HDAC9: variants seen among roughly 807,000 people sequenced by gnomAD.
The protein encoded by HDAC9 is histone deacetylase 9.
A neutral mutation model predicts 139.4 loss-of-function variants in HDAC9; 41 were observed. The observed-to-expected ratio is 0.29, with a 90% CI of 0.23 to 0.38. The LOEUF (loss-of-function observed/expected upper bound fraction) is 0.38, where lower values mean the gene tolerates loss of function less well. Ranked by LOEUF, HDAC9 falls within the 10% of genes least tolerant of loss-of-function variation. The probability of loss-of-function intolerance (pLI) is 1.00; values close to 1 mark genes in which losing one functional copy is unlikely to be tolerated. For synonymous variants in HDAC9, 517 were observed against 476.2 expected (o/e 1.09, Z -1.12); for missense variants, 1,147 against 1,297.0 (o/e 0.88, Z 1.78).
chr7:18,102,429 C>T (rs1360177831), intron 1 of HDAC9, among the ~76,000 whole-genome samples: 1 of 152,150 alleles, frequency 6.6e-6, no homozygotes, highest in Admixed American at 6.5e-5. Context: ...TTCTTCAGCA[C>T]TGTCATAAAT....
chr7:18,989,675 T>A (rs1585500546), intron 25 of HDAC9, among the ~76,000 whole-genome samples: 1 of 150,226 alleles, frequency 6.7e-6, no homozygotes, highest in African/African-American at 2.5e-5. Context: ...ATTCTCCCTG[T>A]CACTTTCAGG....
intron 2 of HDAC9, among the ~76,000 whole-genome samples, chr7:18,168,892 TTTTTTTG>T (rs1005163218): frequency 3.5e-5 from 4 of 114,648 alleles, no homozygotes; most frequent in African/African-American, 7.4e-5. Context: ...TTTTTTTTTT[TTTTTTTG>T]TGTGTGTGTG....
Position 18,762,277 on chromosome 7 carries a change from G to C in HDAC9, c.2164G>C (p.Gly722Arg). The change falls in exon 15 of 26, where the codon GGT becomes CGT. Residue 722 changes from glycine to arginine, a missense_variant and splice_region_variant. Gly to Arg is a moderately radical substitution (Grantham distance 125). This residue lies in a region of HDAC9 where 407 missense variants were observed against 521.5 expected (regional missense o/e 0.78). Transcript: ENST00000686413. Reference sequence around the variant, plus strand: ...GAAGCTGGACCCCAGGATACTCCTAGGTCTGTACGGGCCTCCACTGTACTG... The same window carrying C: ...GAAGCTGGACCCCAGGATACTCCTACGTCTGTACGGGCCTCCACTGTACTG... ...GQKLDPRILL[G>R]DDSQKFFSSL... 1 of 1,613,296 alleles carries C rather than the reference G, an allele frequency of 6.2e-7. No individual in the cohort carries two copies. The highest frequency in any genetic ancestry group is 8.5e-7 in the Non-Finnish European group (1 of 1,179,540).
chr7:18,454,208 G>T lies in HDAC9; in HGVS notation c.-41-42054G>T, dbSNP rs572027628. ...AATACTGGAGATTTACAAAATCAGA[G>T]ATTTTTTTACTTTTGGGCTCAAAAA... is the stretch of plus-strand genomic sequence containing the variant. On this transcript the variant is annotated intron_variant, in intron 1 of 3. Coordinates refer to the HDAC9 transcript ENST00000413509. Among the ~76,000 whole-genome samples the T allele has an allele frequency of 6.1e-4, 93 of 152,136 alleles. 1 individual carries two copies. The South Asian group carries it at 9.3e-3, about 15-fold the overall frequency.
intron 2 of HDAC9, among the ~76,000 whole-genome samples, chr7:18,237,272 A>G (rs768023258): frequency 1.2e-4 from 18 of 152,160 alleles, no homozygotes; most frequent in Non-Finnish European, 2.5e-4. Flanking sequence ...TGTGTTGAGT[A>G]TTTCTTGCTG....
intron 1 of HDAC9, among the ~76,000 whole-genome samples, chr7:18,388,161 A>G (rs1020809138): frequency 1.3e-5 from 2 of 152,190 alleles, no homozygotes; most frequent in Admixed American, 1.3e-4. Flanking sequence ...GTTATGACTA[A>G]AAAACACCCT....
intron 1 of HDAC9, among the ~76,000 whole-genome samples, chr7:18,374,874 C>G (rs1034979417): frequency 3.3e-5 from 5 of 152,062 alleles, no homozygotes; most frequent in African/African-American, 1.2e-4. Context: ...GTTCCTATTG[C>G]CTGGTGCTAT....
At chr7:18,403,977 G>A (rs768151184) in intron 1 of HDAC9, among the ~76,000 whole-genome samples, 4 of 152,158 alleles carry the variant, frequency 2.6e-5, no homozygotes, top group Admixed American at 6.5e-5. Context: ...ATGAAGAGGG[G>A]CGAGACCTTG....
chr7:18,108,841 C>A (rs368775838), intron 1 of HDAC9, among the ~76,000 whole-genome samples: 1 of 151,964 alleles, frequency 6.6e-6, no homozygotes, highest in African/African-American at 2.4e-5. Context: ...AGGTTGGTCT[C>A]GAACTCCTGA....
Position 18,387,374 on chromosome 7 carries a change from C to T in HDAC9, c.-42+96859C>T, listed in dbSNP as rs566646729. Among the ~76,000 whole-genome samples the T allele has an allele frequency of 5.6e-4, 86 of 152,272 alleles. No homozygotes were observed. The South Asian group carries it at 8.1e-3, about 14-fold the overall frequency. On this transcript the variant is annotated intron_variant, in intron 1 of 3. Transcript: ENST00000413509. ...ATAATCCTGCCCATTTAAAAAAAGT[C>T]CCACATTTTATTCTCTTTTGCTATT...
chr7:18,807,693 C>T (rs1025134199), intron 17 of HDAC9, among the ~76,000 whole-genome samples: 1 of 151,988 alleles, frequency 6.6e-6, no homozygotes, highest in Admixed American at 6.6e-5. Context: ...ATTGGTTTCC[C>T]AGAAATATGT....
intron 2 of HDAC9, among the ~76,000 whole-genome samples, chr7:18,185,944 A>T (rs1234999180): frequency 6.6e-6 from 1 of 152,224 alleles, no homozygotes. Flanking sequence ...AAACTGGGAT[A>T]TCACATATTG....
At chr7:18,205,172 TCTC>T (rs1368603771) in intron 2 of HDAC9, among the ~76,000 whole-genome samples, 6 of 151,994 alleles carry the variant, frequency 3.9e-5, no homozygotes, top group Non-Finnish European at 8.8e-5. Flanking sequence ...CTTTCTGTCT[TCTC>T]CTCCCCAGTT....
intron 21 of HDAC9, among the ~76,000 whole-genome samples, chr7:18,866,879 T>C (rs988184960): frequency 1.3e-5 from 2 of 152,162 alleles, no homozygotes; most frequent in Admixed American, 1.3e-4. Context: ...GGACAACACT[T>C]GACTCAATGT....
At chr7:18,667,492 T>A (rs888085019) in intron 12 of HDAC9, 43 of 984,322 alleles carry the variant, frequency 4.4e-5, no homozygotes, top group Non-Finnish European at 4.7e-5. Flanking sequence ...AAAATTTACT[T>A]GTATATAATG....
intron 2 of HDAC9, among the ~76,000 whole-genome samples, chr7:18,219,569 A>G (rs918756240): frequency 6.6e-5 from 10 of 152,142 alleles, no homozygotes; most frequent in Non-Finnish European, 1.3e-4. Flanking sequence ...GAATAAAATC[A>G]TAATTGAGAG....
chr7:18,988,675 C>CCACA (rs1785592081), intron 25 of HDAC9, among the ~76,000 whole-genome samples: 1 of 151,542 alleles, frequency 6.6e-6, no homozygotes, highest in Non-Finnish European at 1.5e-5. Context: ...TTAAAGTCTC[C>CCACA]CATTATTAAT....
chr7:18,254,778 T>C (rs1795127141), intron 2 of HDAC9, among the ~76,000 whole-genome samples: 1 of 152,242 alleles, frequency 6.6e-6, no homozygotes, highest in South Asian at 2.1e-4. Context: ...GAGCACTGTG[T>C]ACTTTGATAT....
intron 12 of HDAC9, among the ~76,000 whole-genome samples, chr7:18,679,442 A>G (rs1781740042): frequency 6.6e-6 from 1 of 151,822 alleles, no homozygotes; most frequent in Admixed American, 6.6e-5. Context: ...ATCTCCATTT[A>G]AAGAATTAGA....
Sources: gnomAD v4.1 joint callset for allele counts (sites outside exome capture counted in the v4.1 genomes callset) on GRCh38, gnomAD v4.1.1 for gene constraint, gnomAD v4.1.1 regional missense constraint, MANE v1.5 for transcripts, NCBI Gene and HGNC (gene_info 2026-07-23, HGNC 2026-07-21) for gene names.